The following PID1 variants were observed in gnomAD, a reference collection of about 807,000 sequenced individuals.
PID1 encodes the protein PTB-containing, cubilin and LRP1-interacting protein.
Under a neutral mutation model 19.1 loss-of-function variants are expected in PID1, and 10 were observed. The ratio of observed to expected loss-of-function variants is 0.52; its 90% CI spans 0.32 to 0.89. The LOEUF (loss-of-function observed/expected upper bound fraction) is 0.89. PID1 is among the 40% of genes least tolerant of loss of function. The pLI is 0.03. For synonymous variants in PID1, 130 were observed against 116.0 expected, an observed-to-expected ratio of 1.12 and a Z score of -0.78; for missense variants, 248 against 285.3, an observed-to-expected ratio of 0.87 and a Z score of 0.94.
At chr2:229,251,507 T>C (rs1690150288) in intron 1 of PID1, among the ~76,000 whole-genome samples, 2 of 152,174 alleles carry the variant, frequency 1.3e-5, no homozygotes, top group South Asian at 2.1e-4. Context: ...CCAAACTTGG[T>C]TTCCAATTTC....
chr2:229,148,925 T>C (rs1297100197), intron 2 of PID1, among the ~76,000 whole-genome samples: 2 of 151,788 alleles, frequency 1.3e-5, no homozygotes, highest in Non-Finnish European at 2.9e-5. Context: ...CAGAAGTGAA[T>C]GTTTTGATTT....
In PID1 at chr2:229,103,388, T is replaced by C. The variant is rs546410477; in HGVS notation, c.177+52430A>G. Among the ~76,000 whole-genome samples the C allele has an allele frequency of 1.1e-4, 16 of 152,134 alleles. No individual in the cohort carries two copies. In the East Asian group the frequency reaches 2.9e-3, roughly 28 times the overall value. ...GGAGGAAGACAAGCCCCAAGGCATG[T>C]TGGATGAAGTGACCAGATGGCAAGA... On this transcript the variant is annotated intron_variant, in intron 2 of 2. Coordinates refer to ENST00000392055, the MANE Select transcript of PID1 (RefSeq NM_001100818.2).
intron 2 of PID1, among the ~76,000 whole-genome samples, chr2:229,136,757 C>A (rs1689865413): frequency 6.6e-6 from 1 of 152,156 alleles, no homozygotes; most frequent in African/African-American, 2.4e-5. Context: ...ATGTCATCCC[C>A]TGAGAAAATT....
chr2:229,209,625 A>G (rs1387245754), intron 1 of PID1, among the ~76,000 whole-genome samples: 1 of 152,156 alleles, frequency 6.6e-6, no homozygotes, highest in African/African-American at 2.4e-5. Context: ...AACATTGATC[A>G]TGTTTTGTCC....
At chr2:229,134,933 TACTA>T (rs56870263) in intron 2 of PID1, among the ~76,000 whole-genome samples, 80,018 of 151,794 alleles carry the variant, frequency 0.53, 21,833 homozygotes, top group Admixed American at 0.63. Context: ...AAATTTTATG[TACTA>T]ACCTATTTTA....
intron 1 of PID1, among the ~76,000 whole-genome samples, chr2:229,239,378 G>A (rs1203832549): frequency 6.6e-6 from 1 of 152,038 alleles, no homozygotes; most frequent in African/African-American, 2.4e-5. Context: ...TGGAGGAAAC[G>A]AGTAAGGGAA....
chr2:229,167,387 T>C (rs1690620554), intron 1 of PID1, among the ~76,000 whole-genome samples: 1 of 152,288 alleles, frequency 6.6e-6, no homozygotes, highest in African/African-American at 2.4e-5. Context: ...TGACATAACT[T>C]GTCTCTAAAT....
Position 229,150,436 on chromosome 2 carries a change from C to T in PID1, c.177+5382G>A, listed in dbSNP as rs141496892. On this transcript the variant is annotated intron_variant, in intron 2 of 2. Coordinates refer to ENST00000392055, the MANE Select transcript of PID1 (RefSeq NM_001100818.2). ...CGAAAAGGATGTTGTGGAAAGACAG[C>T]GATGTACTCTCCCAATCAAGGCAGA... Among the ~76,000 whole-genome samples, 878 of 152,120 alleles carry T rather than the reference C, an allele frequency of 5.8e-3. 5 individuals carry two copies. Among genetic ancestry groups the T allele is most frequent in the African/African-American group, 0.02 (816 of 41,492 alleles).
intron 1 of PID1, among the ~76,000 whole-genome samples, chr2:229,157,568 C>T (rs1475461384): frequency 6.6e-6 from 1 of 152,134 alleles, no homozygotes; most frequent in Non-Finnish European, 1.5e-5. Flanking sequence ...CACCCACCTT[C>T]ACAGAGCATT....
chr2:229,250,833 C>T (rs887772680), intron 1 of PID1, among the ~76,000 whole-genome samples: 2 of 152,086 alleles, frequency 1.3e-5, no homozygotes, highest in Non-Finnish European at 2.9e-5. Context: ...ATGGAAGTTT[C>T]CCCTGTAGTA....
At chr2:229,230,232 G>GAACTGT (rs1015041531) in intron 1 of PID1, among the ~76,000 whole-genome samples, 14 of 152,200 alleles carry the variant, frequency 9.2e-5, no homozygotes, top group Non-Finnish European at 2.1e-4. Context: ...AAGGTGTTCA[G>GAACTGT]AACTGTAATT....
intron 2 of PID1, among the ~76,000 whole-genome samples, chr2:229,041,326 C>T (rs972921512): frequency 2.0e-5 from 3 of 152,118 alleles, no homozygotes; most frequent in African/African-American, 7.2e-5. Context: ...GGGGCTCCTG[C>T]TGGCCAAACT....
chr2:229,239,664 G>A (rs1156544073), intron 1 of PID1, among the ~76,000 whole-genome samples: 1 of 152,122 alleles, frequency 6.6e-6, no homozygotes, highest in Non-Finnish European at 1.5e-5. Flanking sequence ...TATTCAAAGA[G>A]AAGGTCATGT....
chr2:229,203,937 A>G (rs1230602379), intron 1 of PID1, among the ~76,000 whole-genome samples: 1 of 152,112 alleles, frequency 6.6e-6, no homozygotes, highest in Non-Finnish European at 1.5e-5. Context: ...CCTTATTGTA[A>G]TGGTCTAATG....
At chr2:229,065,443 G>C (rs1265843437) in intron 2 of PID1, among the ~76,000 whole-genome samples, 1 of 152,000 alleles carries the variant, frequency 6.6e-6, no homozygotes, top group Non-Finnish European at 1.5e-5. Flanking sequence ...ATTGTCTGCT[G>C]GAAGTATTTG....
chr2:229,188,475 C>T (rs923526911), intron 1 of PID1, among the ~76,000 whole-genome samples: 7 of 152,188 alleles, frequency 4.6e-5, no homozygotes, highest in Middle Eastern at 3.4e-3. Context: ...TGGTAGCTCA[C>T]GCCTGTAATC....
intron 2 of PID1, among the ~76,000 whole-genome samples, chr2:229,141,449 G>C (rs762766056): frequency 3.9e-5 from 6 of 152,136 alleles, no homozygotes; most frequent in African/African-American, 9.7e-5. Context: ...TGAATGAGCT[G>C]TCTGGTAAGT....
intron 1 of PID1, among the ~76,000 whole-genome samples, chr2:229,267,696 G>T (rs1165355678): frequency 6.6e-6 from 1 of 152,156 alleles, no homozygotes; most frequent in Non-Finnish European, 1.5e-5. Context: ...ATGGGACACA[G>T]TCTTGCATGG....
At chr2:229,190,635 T>C (rs1691241002) in intron 1 of PID1, among the ~76,000 whole-genome samples, 1 of 152,266 alleles carries the variant, frequency 6.6e-6, no homozygotes, top group African/African-American at 2.4e-5. Flanking sequence ...TTTATCGGTC[T>C]ATCTACAGCT....
Sources: gnomAD v4.1 joint callset for allele counts (sites outside exome capture counted in the v4.1 genomes callset) on GRCh38, gnomAD v4.1.1 for gene constraint, MANE v1.5 for transcripts, NCBI Gene and HGNC (gene_info 2026-07-23, HGNC 2026-07-21) for gene names.